Variants in GPHN observed in about 807,000 individuals in gnomAD.
GPHN encodes gephyrin.
In GPHN, 17 loss-of-function variants were observed where a neutral mutation model predicts 95.5. That is an observed-to-expected ratio of 0.18 (90% CI 0.12 to 0.27). The LOEUF (loss-of-function observed/expected upper bound fraction) is 0.27, where lower values mean the gene tolerates loss of function less well. Ranked by LOEUF, GPHN falls within the 10% of genes least tolerant of loss-of-function variation. GPHN has a pLI of 1.00. For synonymous variants in GPHN, 320 were observed against 322.5 expected, an observed-to-expected ratio of 0.99 and a Z score of 0.08; for missense variants, 660 against 978.1, an observed-to-expected ratio of 0.67 and a Z score of 4.34.
chr14:67,527,396 C>G, the GPHN span, among the ~76,000 whole-genome samples: 3 of 152,148 alleles, frequency 2.0e-5, no homozygotes, highest in Admixed American at 6.5e-5. Context: ...CGATATCGCA[C>G]CATTGCACTC....
At chr14:66,767,025 AC>A (rs1480709839) in intron 2 of GPHN, among the ~76,000 whole-genome samples, 2 of 151,950 alleles carry the variant, frequency 1.3e-5, no homozygotes, top group Non-Finnish European at 2.9e-5. Context: ...CTCAAATTCC[AC>A]CTTTGTCTTT....
At chr14:67,433,583 C>A in the GPHN span, among the ~76,000 whole-genome samples, 1 of 151,854 alleles carries the variant, frequency 6.6e-6, no homozygotes, top group Non-Finnish European at 1.5e-5. Flanking sequence ...ACAACAACAA[C>A]AACAAACCCA....
chr14:67,604,245 A>G, the GPHN span, among the ~76,000 whole-genome samples: 7 of 152,278 alleles, frequency 4.6e-5, no homozygotes, highest in East Asian at 1.3e-3. Context: ...GTTTTAATTG[A>G]GGTATATCCT....
the GPHN span, chr14:67,321,147 G>C: frequency 6.2e-7 from 1 of 1,614,182 alleles, no homozygotes; most frequent in Non-Finnish European, 8.5e-7. Flanking sequence ...ATAGCAGCTG[G>C]AAAGTTCATT....
chr14:66,959,559 T>A (rs1269505589), intron 8 of GPHN, among the ~76,000 whole-genome samples: 5 of 152,094 alleles, frequency 3.3e-5, no homozygotes, highest in African/African-American at 1.2e-4. Context: ...GTTGACAGAT[T>A]TTTCATCTTT....
chr14:67,493,571 T>C, the GPHN span, among the ~76,000 whole-genome samples: 1 of 152,218 alleles, frequency 6.6e-6, no homozygotes, highest in African/African-American at 2.4e-5. Flanking sequence ...GGTTTCACTT[T>C]GCGACACCAA....
chr14:67,007,292 A>AGTT (rs1183706108), intron 9 of GPHN, among the ~76,000 whole-genome samples: 1 of 152,188 alleles, frequency 6.6e-6, no homozygotes, highest in African/African-American at 2.4e-5. Flanking sequence ...CTGGGCTATG[A>AGTT]GTTACTGAAT....
chr14:67,161,317 G>GAA (rs2081967628), intron 19 of GPHN, among the ~76,000 whole-genome samples: 1 of 151,330 alleles, frequency 6.6e-6, no homozygotes, highest in South Asian at 2.1e-4. Flanking sequence ...GAAAAGAAAA[G>GAA]AAAGAAACTA....
chr14:67,250,540 TAAAC>T, the GPHN span, among the ~76,000 whole-genome samples: 2 of 152,196 alleles, frequency 1.3e-5, no homozygotes, highest in African/African-American at 2.4e-5. Context: ...AAATTCTAGT[TAAAC>T]AGATTGTTTT....
the GPHN span, chr14:67,343,424 A>C: frequency 1.2e-6 from 2 of 1,608,014 alleles, no homozygotes; most frequent in Non-Finnish European, 1.7e-6. Flanking sequence ...CTTCATCCAA[A>C]GTAACAAAAG....
chr14:66,885,827 T>C (rs552377044), intron 5 of GPHN, among the ~76,000 whole-genome samples: 10 of 138,134 alleles, frequency 7.2e-5, no homozygotes, highest in South Asian at 2.3e-4. Context: ...ACAGAACACT[T>C]TATAACAATT....
At chr14:67,716,374 T>C in the GPHN span, among the ~76,000 whole-genome samples, 2 of 152,206 alleles carry the variant, frequency 1.3e-5, no homozygotes, top group African/African-American at 4.8e-5. Flanking sequence ...TTAAACACAA[T>C]AAAAGATTTC....
At chr14:66,924,320 G>T (rs1267356087) in intron 8 of GPHN, 28 bp downstream of exon 8, 2 of 1,239,950 alleles carry the variant, frequency 1.6e-6, no homozygotes, top group Non-Finnish European at 2.4e-6. Context: ...TGCATTAATG[G>T]TTTTCCAAAT....
At chr14:66,733,924 T>G (rs2072026592) in intron 2 of GPHN, among the ~76,000 whole-genome samples, 1 of 152,160 alleles carries the variant, frequency 6.6e-6, no homozygotes, top group South Asian at 2.1e-4. Context: ...GTATTTTTCC[T>G]TCATCACCAC....
At chr14:66,927,231 C>T (rs1377516572) in intron 8 of GPHN, among the ~76,000 whole-genome samples, 1 of 151,884 alleles carries the variant, frequency 6.6e-6, no homozygotes, top group Non-Finnish European at 1.5e-5. Context: ...CCCCTGTAGT[C>T]CCAGCTACTC....
At chr14:66,897,072 A>G (rs144038806) in intron 5 of GPHN, among the ~76,000 whole-genome samples, 204 of 152,300 alleles carry the variant, frequency 1.3e-3, no homozygotes, top group African/African-American at 4.6e-3. Flanking sequence ...AGATGGTAAT[A>G]TAATTGTAGA....
intron 4 of GPHN, among the ~76,000 whole-genome samples, chr14:66,866,390 G>T (rs1033233773): frequency 9.9e-5 from 15 of 151,850 alleles, no homozygotes; most frequent in Non-Finnish European, 2.2e-4. Flanking sequence ...TCTTTTCCTG[G>T]AATGAGATAC....
At chr14:67,508,501 C>T in the GPHN span, among the ~76,000 whole-genome samples, 1 of 152,136 alleles carries the variant, frequency 6.6e-6, no homozygotes, top group Non-Finnish European at 1.5e-5. Context: ...TTCCATCATA[C>T]AGCCTCACGC....
At chr14:67,166,194 G>C (rs2082267278) in intron 20 of GPHN, among the ~76,000 whole-genome samples, 1 of 152,174 alleles carries the variant, frequency 6.6e-6, no homozygotes, top group Admixed American at 6.5e-5. Flanking sequence ...AAAGAGATTA[G>C]ATTTCTATCA....
Sources: gnomAD v4.1 joint callset for allele counts (sites outside exome capture counted in the v4.1 genomes callset) on GRCh38, gnomAD v4.1.1 for gene constraint, MANE v1.5 for transcripts, NCBI Gene and HGNC (gene_info 2026-07-23, HGNC 2026-07-21) for gene names.